The following PLAG1 variants were observed in gnomAD, a reference collection of about 807,000 sequenced individuals.
PLAG1 encodes PLAG1 zinc finger.
Under a neutral mutation model 35.5 loss-of-function variants are expected in PLAG1, and 7 were observed. That is an observed-to-expected ratio of 0.20 (90% CI 0.11 to 0.37). The LOEUF (loss-of-function observed/expected upper bound fraction) is 0.37, where lower values mean the gene tolerates loss of function less well. Among genes scored for constraint, PLAG1 ranks in the 10% least tolerant of loss-of-function variants. The probability of loss-of-function intolerance (pLI) is 1.00; values close to 1 mark genes in which losing one functional copy is unlikely to be tolerated. For synonymous variants in PLAG1, 229 were observed against 225.4 expected (o/e 1.02, Z -0.14); for missense variants, 454 against 602.8 (o/e 0.75, Z 2.58).
At chr8:56,168,491 G>T (rs929054699) in intron 3 of PLAG1, 105 bp from the exon 4 acceptor site, 51 of 406,838 alleles carry the variant, frequency 1.3e-4, no homozygotes, top group Non-Finnish European at 3.8e-5. Context: ...CAATAAAATG[G>T]ATTCAGCTGG....
intron 2 of PLAG1, among the ~76,000 whole-genome samples, chr8:56,176,046 CTTTT>C (rs1309523141): frequency 7.7e-6 from 1 of 130,080 alleles, no homozygotes. Flanking sequence ...TTTTCCTTTT[CTTTT>C]TTTTTTTTTT....
At chr8:56,182,676 T>C (rs1405906122) in intron 1 of PLAG1, among the ~76,000 whole-genome samples, 2 of 152,068 alleles carry the variant, frequency 1.3e-5, no homozygotes, top group African/African-American at 2.4e-5. Flanking sequence ...AAGCAAATGA[T>C]ATTCAACAAG....
At chr8:56,196,368 C>T (rs1315312764) in intron 1 of PLAG1, among the ~76,000 whole-genome samples, 1 of 152,178 alleles carries the variant, frequency 6.6e-6, no homozygotes, top group Non-Finnish European at 1.5e-5. Context: ...ACATCACGCT[C>T]AGAGGATAGA....
chr8:56,175,695 A>G (rs916789511), intron 2 of PLAG1, among the ~76,000 whole-genome samples: 7 of 152,220 alleles, frequency 4.6e-5, no homozygotes, highest in Admixed American at 3.9e-4. Context: ...GAAATGTCTT[A>G]TATTTAGTAT....
chr8:56,180,100 G>A (rs942499388), intron 1 of PLAG1, among the ~76,000 whole-genome samples: 5 of 152,152 alleles, frequency 3.3e-5, no homozygotes, highest in Non-Finnish European at 5.9e-5. Context: ...CATCCTCAAC[G>A]ACATACAAAG....
chr8:56,181,572 A>AGGGGGT (rs1811864611), intron 1 of PLAG1, among the ~76,000 whole-genome samples: 2 of 68,442 alleles, frequency 2.9e-5, no homozygotes, highest in Admixed American at 1.4e-4. Context: ...TGTCATTGGC[A>AGGGGGT]GGGGGTGGGG....
At chr8:56,181,723 TAAA>T (rs1382560094) in intron 1 of PLAG1, among the ~76,000 whole-genome samples, 2 of 151,980 alleles carry the variant, frequency 1.3e-5, no homozygotes, top group Non-Finnish European at 2.9e-5. Context: ...AGTATGTATA[TAAA>T]AAAAGAATAT....
At chr8:56,205,300 C>T (rs534050964) in intron 1 of PLAG1, among the ~76,000 whole-genome samples, 15 of 151,732 alleles carry the variant, frequency 9.9e-5, no homozygotes, top group Non-Finnish European at 1.9e-4. Context: ...TCAAAACAAT[C>T]TTCAAAATAT....
At chr8:56,192,304 G>C (rs1398946326) in intron 1 of PLAG1, among the ~76,000 whole-genome samples, 1 of 152,148 alleles carries the variant, frequency 6.6e-6, no homozygotes, top group Non-Finnish European at 1.5e-5. Context: ...GAAATAACCT[G>C]AGACACCCAT....
In PLAG1 at chr8:56,167,380, C is replaced by G; in HGVS notation, c.366G>C (p.Lys122Asn). ...TGTAGTTCTTGCCACATTCTTCGCA[C>G]TTAAACGTCTCTTTGTTAGGGTCGT... ...HTHDPNKETF[K>N]CEECGKNYNT... The change falls in exon 5 of 5, where the codon AAG becomes AAC. Residue 122 changes from lysine to asparagine, a missense_variant. Transcript: ENST00000316981. The surrounding 1 kb of genome is among the most constrained non-coding windows in gnomAD (Gnocchi z 5.9). 1 of 1,614,048 alleles carries G rather than the reference C, an allele frequency of 6.2e-7. No individual in the cohort carries two copies. The highest frequency in any genetic ancestry group is 8.5e-7 in the Non-Finnish European group (1 of 1,179,980).
intron 1 of PLAG1, among the ~76,000 whole-genome samples, chr8:56,199,752 G>C (rs1812496847): frequency 6.6e-6 from 1 of 152,160 alleles, no homozygotes; most frequent in Non-Finnish European, 1.5e-5. Context: ...TCCCCTACAG[G>C]AGGGCTGGGC....
At chr8:56,200,804 C>T (rs1435853751) in intron 1 of PLAG1, among the ~76,000 whole-genome samples, 2 of 152,140 alleles carry the variant, frequency 1.3e-5, no homozygotes, top group Non-Finnish European at 2.9e-5. Flanking sequence ...ACCTCTCCCT[C>T]CCTTGAGCAC....
intron 1 of PLAG1, among the ~76,000 whole-genome samples, chr8:56,186,434 C>T (rs113889339): frequency 0.034 from 5,169 of 152,030 alleles, 308 homozygotes; most frequent in African/African-American, 0.12. Context: ...TGCAGTGGTG[C>T]AATCTTGGCT....
chr8:56,173,058 C>T (rs1811577233), intron 2 of PLAG1, among the ~76,000 whole-genome samples: 1 of 152,046 alleles, frequency 6.6e-6, no homozygotes, highest in Non-Finnish European at 1.5e-5. Context: ...CTTTATTCTC[C>T]AATCCATATA....
chr8:56,168,970 A>G (rs1158497018), intron 3 of PLAG1, among the ~76,000 whole-genome samples: 2 of 152,254 alleles, frequency 1.3e-5, no homozygotes, highest in East Asian at 1.9e-4. Context: ...TACCAGTGTC[A>G]TCATACTCTG....
intron 1 of PLAG1, among the ~76,000 whole-genome samples, chr8:56,201,761 C>T (rs1812559141): frequency 6.6e-6 from 1 of 152,128 alleles, no homozygotes. Flanking sequence ...CATGAGATTG[C>T]TGTGAAAACT....
At chr8:56,191,376 T>C (rs1442166411) in intron 1 of PLAG1, among the ~76,000 whole-genome samples, 3 of 151,854 alleles carry the variant, frequency 2.0e-5, no homozygotes, top group Non-Finnish European at 2.9e-5. Context: ...AGGAAGGAAG[T>C]GGAGGCAGAG....
intron 1 of PLAG1, among the ~76,000 whole-genome samples, chr8:56,197,833 G>A (rs1563392043): frequency 6.6e-6 from 1 of 152,184 alleles, no homozygotes. Flanking sequence ...TGGCGGTCAG[G>A]AGGTCTGTCT....
intron 1 of PLAG1, among the ~76,000 whole-genome samples, chr8:56,198,017 C>T (rs977697097): frequency 1.3e-5 from 2 of 152,182 alleles, no homozygotes; most frequent in Admixed American, 6.5e-5. Flanking sequence ...CTACTGACTT[C>T]TCCCTGGAAC....
Sources: gnomAD v4.1 joint callset for allele counts (sites outside exome capture counted in the v4.1 genomes callset) on GRCh38, gnomAD v4.1.1 for gene constraint, Gnocchi (gnomAD v3.1) non-coding constraint, MANE v1.5 for transcripts, NCBI Gene and HGNC (gene_info 2026-07-23, HGNC 2026-07-21) for gene names.